The following MLLT6 variants were observed in gnomAD, a reference collection of about 807,000 sequenced individuals.
MLLT6 encodes protein AF-17.
In MLLT6, 22 loss-of-function variants were observed where a neutral mutation model predicts 103.0. The observed-to-expected ratio is 0.21, with a 90% CI of 0.15 to 0.31. The LOEUF (loss-of-function observed/expected upper bound fraction) is 0.31. Ranked by LOEUF, MLLT6 falls within the 10% of genes least tolerant of loss-of-function variation. The pLI, the probability that MLLT6 is intolerant of heterozygous loss-of-function variation, is 1.00. For synonymous variants in MLLT6, 606 were observed against 623.5 expected, an observed-to-expected ratio of 0.97 and a Z score of 0.42; for missense variants, 1,199 against 1,441.7, an observed-to-expected ratio of 0.83 and a Z score of 2.73.
In MLLT6 at chr17:38,720,206, C is replaced by T. The variant is rs907307599; in HGVS notation, c.2156-166C>T. On this transcript the variant is annotated intron_variant, in intron 14 of 19. Transcript: ENST00000621332. ...CCGCCCCAGGTCTTCACACCTGTGG[C>T]TCCCCAAGTCCCGCCTCTCTTCTCA... The T allele has an allele frequency of 9.6e-5, 71 of 739,272 alleles. 1 individual carries two copies. In the South Asian group the frequency reaches 1.3e-3, roughly 13 times the overall value. 45.8% of individuals were successfully genotyped at this position (739,272 alleles called of 1,614,324 possible). A position where few individuals can be genotyped will look rare whatever the true frequency, so the allele number is the denominator to read the frequency against.
At chr17:38,707,062 G>A (rs1025138966) in intron 2 of MLLT6, 33 bp downstream of exon 2, 1 of 1,574,594 alleles carries the variant, frequency 6.4e-7, no homozygotes, top group Non-Finnish European at 8.7e-7. Flanking sequence ...CCACTCCCCT[G>A]CCCCTCCCAC....
At chr17:38,725,472 C>T (rs1905975083) in intron 19 of MLLT6, 85 bp from the exon 20 acceptor site, 2 of 1,300,498 alleles carry the variant, frequency 1.5e-6, no homozygotes, top group Non-Finnish European at 2.2e-6. Flanking sequence ...CCCACAGCAG[C>T]TTTCTTGGCC....
At chr17:38,708,893 G>A (rs530122048) in intron 4 of MLLT6, among the ~76,000 whole-genome samples, 5 of 152,310 alleles carry the variant, frequency 3.3e-5, no homozygotes, top group Admixed American at 2.0e-4. Context: ...GGGAGACTCC[G>A]TCTCAAATAA....
chr17:38,715,313 A>T (rs897540799), intron 8 of MLLT6: 1 of 364,518 alleles, frequency 2.7e-6, no homozygotes, highest in Non-Finnish European at 4.9e-6. Context: ...ATCTCTTCAG[A>T]CTCTGGGACT....
chr17:38,707,836 C>T lies in MLLT6; in HGVS notation c.318C>T (p.Ile106=), dbSNP rs746237117. ...QFANVLTMEP[I]VLQYVPHDRF... is the part of the protein sequence containing the mutation. Reference sequence around the variant, plus strand: ...CCAACGTGCTCACCATGGAGCCCATCGTGCTGCAGTACGTGCCTCATGATC... The same window carrying T: ...CCAACGTGCTCACCATGGAGCCCATTGTGCTGCAGTACGTGCCTCATGATC... Residue 106 remains isoleucine (I), a synonymous_variant, in exon 4 of 20, where the codon ATC becomes ATT. Transcript: ENST00000621332. The T allele has an allele frequency of 8.7e-6, 14 of 1,613,448 alleles. No individual in the cohort carries two copies. The highest frequency in any genetic ancestry group is 2.2e-5 in the South Asian group (2 of 90,912).
Position 38,727,406 on chromosome 17 carries a change from T to C in MLLT6, c.*1808T>C, listed in dbSNP as rs1906098120. 1 of 230,302 alleles carries C rather than the reference T, an allele frequency of 4.3e-6. No individual in the cohort carries two copies. Among genetic ancestry groups the C allele is most frequent in the South Asian group, 1.8e-4 (1 of 5,500 alleles). The allele number at this position is 230,302 out of a possible 1,614,324, so 14.3% of individuals were successfully genotyped here. A position where few individuals can be genotyped will look rare whatever the true frequency, so the allele number is the denominator to read the frequency against. On this transcript the variant is annotated 3_prime_UTR_variant, in exon 20 of 20. Coordinates refer to ENST00000621332, the MANE Select transcript of MLLT6 (RefSeq NM_005937.4). ...TGATGACCTCAGAAATACTCACTTT[T>C]TATTAATGCTAAATATGTTAGAAAG...
rs751989641 is a variant in MLLT6, at chr17:38,727,856, C to G, written c.*2258C>G. ...TCTTAGAAGAGTTGCTCATTCACAC[C>G]CACGCCCTTGCCCAAGGCTGGCCCA... On this transcript the variant is annotated 3_prime_UTR_variant, in exon 20 of 20. Transcript: ENST00000621332. 8.6e-6 allele frequency: 2 copies of G among 233,130 alleles called. No individual in the cohort carries two copies. Among genetic ancestry groups the G allele is most frequent in the Non-Finnish European group, 1.7e-5 (2 of 117,964 alleles). The allele number at this position is 233,130 out of a possible 1,614,324, so 14.4% of individuals were successfully genotyped here.
Position 38,727,152 on chromosome 17 carries a change from TAAAGAA to T in MLLT6, c.*1557_*1562del, listed in dbSNP as rs1304718161. Reference sequence around the variant, plus strand: ...TGTTGGGTTTTTTTTTTTTTTTTAATAAAGAAAAGAAGATGTGTATATTTTTGGCAA... The same window carrying T: ...TGTTGGGTTTTTTTTTTTTTTTTAATAAGAAGATGTGTATATTTTTGGCAA... On this transcript the variant is annotated 3_prime_UTR_variant, in exon 20 of 20. Coordinates refer to ENST00000621332, the MANE Select transcript of MLLT6 (RefSeq NM_005937.4). 1 of 230,644 alleles carries T rather than the reference TAAAGAA, an allele frequency of 4.3e-6. No individual in the cohort carries two copies. The highest frequency in any genetic ancestry group is 8.6e-6 in the Non-Finnish European group (1 of 116,918). 14.3% of individuals were successfully genotyped at this position (230,644 alleles called of 1,614,324 possible).
Position 38,716,392 on chromosome 17 carries a change from C to A in MLLT6, c.1062C>A (p.Asp354Glu), listed in dbSNP as rs756963746. 3 of 1,613,280 alleles carry A rather than the reference C, an allele frequency of 1.9e-6. No homozygotes were observed. Among genetic ancestry groups the A allele is most frequent in the South Asian group, 2.2e-5 (2 of 91,034 alleles). The change falls in exon 10 of 20, where the codon GAC (aspartate) becomes GAA (glutamate). Residue 354 changes from aspartate (D) to glutamate (E), a missense_variant. Asp to Glu is a conservative substitution (Grantham distance 45). Coordinates refer to ENST00000621332, the MANE Select transcript of MLLT6 (RefSeq NM_005937.4). The surrounding 1 kb of genome is among the most constrained non-coding windows in gnomAD (Gnocchi z 5.6). Reference sequence around the variant, plus strand: ...TCTCGTCCCTGCAGAGCTCCCCTGACTTCTCTGCATTCCCCAAGCTGGAGC... The same window carrying A: ...TCTCGTCCCTGCAGAGCTCCCCTGAATTCTCTGCATTCCCCAAGCTGGAGC... ...PAVSSLQSSP[D>E]FSAFPKLEQP... is the part of the protein sequence containing the mutation.
At chr17:38,717,708 C>A in intron 11 of MLLT6, 95 bp downstream of exon 11, 1 of 1,471,958 alleles carries the variant, frequency 6.8e-7, no homozygotes, top group Non-Finnish European at 9.4e-7. Context: ...AGCAACTGGG[C>A]TGAGTTGCCA....
chr17:38,722,634 T>TTGGGGG, intron 17 of MLLT6, 44 bp from the exon 18 acceptor site: 1 of 532,162 alleles, frequency 1.9e-6, no homozygotes, highest in Non-Finnish European at 3.6e-6. Context: ...CCCTCCCCCA[T>TTGGGGG]GGTCTGTGTG....
At position 38,707,048 on chromosome 17, in the gene MLLT6, CT is replaced by C. The variant is rs1567922350; in HGVS notation, c.189+20del. On this transcript the variant is annotated intron_variant, in intron 2 of 19. Coordinates refer to ENST00000621332, the MANE Select transcript of MLLT6 (RefSeq NM_005937.4). Reference sequence around the variant, plus strand: ...CAGGGTGGTGAGTTCCAGACTGCCCCTCTCCACTCCCCTGCCCCTCCCACAC... The same window carrying C: ...CAGGGTGGTGAGTTCCAGACTGCCCCCTCCACTCCCCTGCCCCTCCCACAC... 2 of 1,600,458 alleles carry C rather than the reference CT, an allele frequency of 1.2e-6. No homozygotes were observed. The highest frequency in any genetic ancestry group is 8.6e-7 in the Non-Finnish European group (1 of 1,169,254).
At chr17:38,725,441 C>T (rs1168088510) in intron 19 of MLLT6, 116 bp from the exon 20 acceptor site, 1 of 933,300 alleles carries the variant, frequency 1.1e-6, no homozygotes, top group South Asian at 1.6e-5. Context: ...CCAGAGGCTT[C>T]CATTGGCCCC....
intron 2 of MLLT6, 61 bp downstream of exon 2, chr17:38,707,090 G>C: frequency 6.8e-7 from 1 of 1,471,722 alleles, no homozygotes; most frequent in Non-Finnish European, 9.4e-7. Context: ...AGCGTCTCAG[G>C]TTGAGCTAGG....
At chr17:38,714,639 T>A (rs1905253068) in intron 8 of MLLT6, 1 of 152,282 alleles carries the variant, frequency 6.6e-6, no homozygotes, top group Non-Finnish European at 1.5e-5. Context: ...CTTGGGAGGC[T>A]GAGGCAGGAG....
Position 38,707,609 on chromosome 17 carries a change from T to C in MLLT6, c.244+69T>C, listed in dbSNP as rs1904986255. 7.3e-6 allele frequency: 11 copies of C among 1,517,224 alleles called. No individual in the cohort carries two copies. The East Asian group carries it at 2.3e-4, about 31-fold the overall frequency. 94.0% of individuals were successfully genotyped at this position (1,517,224 alleles called of 1,614,324 possible). On this transcript the variant is annotated intron_variant, in intron 3 of 19. Transcript: ENST00000621332. ...AGGGTCTGGGAAGGCAGGAATGGAC[T>C]GAGTTGGGGTGGAGGCCGGGTTTCC...
Position 38,705,383 on chromosome 17 carries a change from T to G in MLLT6, c.-250T>G, listed in dbSNP as rs1327511125. On this transcript the variant is annotated 5_prime_UTR_variant, in exon 1 of 20. Coordinates refer to ENST00000621332, the MANE Select transcript of MLLT6 (RefSeq NM_005937.4). Reference sequence around the variant, plus strand: ...GCCCGGCGTGCGAGTCTCATTGTTGTGGGGGGGGCCCGTCGGGGCATGAGG... The same window carrying G: ...GCCCGGCGTGCGAGTCTCATTGTTGGGGGGGGGGCCCGTCGGGGCATGAGG... Among the ~76,000 whole-genome samples, 22 of 121,794 alleles carry G rather than the reference T, an allele frequency of 1.8e-4. No homozygotes were observed. Among genetic ancestry groups the G allele is most frequent in the East Asian group, 5.2e-4 (2 of 3,874 alleles). 79.9% of individuals were successfully genotyped at this position (121,794 alleles called of 152,430 possible).
chr17:38,724,406 G>A lies in MLLT6; in HGVS notation c.2884-214G>A. 2.0e-6 allele frequency: 1 copy of A among 512,754 alleles called. No individual in the cohort carries two copies. The highest frequency in any genetic ancestry group is 3.2e-5 in the East Asian group (1 of 31,064). 31.8% of individuals were successfully genotyped at this position (512,754 alleles called of 1,614,324 possible). On this transcript the variant is annotated intron_variant, in intron 18 of 19. Transcript: ENST00000621332. The surrounding 1 kb of genome is among the most constrained non-coding windows in gnomAD (Gnocchi z 5.4). The stretch of plus-strand genomic sequence containing the variant: ...CCTGCTGTTGGCCGGCAGTGCTGCA[G>A]CTGGCAAATACCAATGGCGTGCAAC...
chr17:38,718,231 T>C (rs1188485870), intron 12 of MLLT6: 6 of 295,132 alleles, frequency 2.0e-5, no homozygotes, highest in Non-Finnish European at 3.8e-5. Context: ...AAAAAGTAGC[T>C]GGGCGTGGTG....
Sources: allele counts gnomAD v4.1 joint callset (sites outside exome capture counted in the v4.1 genomes callset), GRCh38; gene constraint gnomAD v4.1.1; non-coding constraint Gnocchi (gnomAD v3.1); transcripts MANE v1.5; gene names NCBI Gene and HGNC (gene_info 2026-07-23, HGNC 2026-07-21).